Variants in CNBD2 observed in about 807,000 individuals in gnomAD.
CNBD2 encodes cyclic nucleotide binding domain containing 2.
CNBD2 carries 64 observed loss-of-function variants against 63.7 expected under a neutral mutation model. That is an observed-to-expected ratio of 1.00 (90% CI 0.82 to 1.24). The LOEUF (loss-of-function observed/expected upper bound fraction) is 1.24. CNBD2 is among the 50% of genes most tolerant of loss of function. The probability of loss-of-function intolerance (pLI) is 0.00; values close to 1 mark genes in which losing one functional copy is unlikely to be tolerated. For synonymous variants in CNBD2, 229 were observed against 255.4 expected (o/e 0.90, Z 0.99); for missense variants, 691 against 713.5 (o/e 0.97, Z 0.36).
intron 3 of CNBD2, among the ~76,000 whole-genome samples, chr20:35,978,374 G>A (rs1363247765): frequency 6.8e-6 from 1 of 147,636 alleles, no homozygotes; most frequent in Non-Finnish European, 1.5e-5. Context: ...AGACGGAGTC[G>A]AGCTCTGTCT....
At position 36,009,954 on chromosome 20, in the gene CNBD2, G is replaced by A. The variant is rs374146967; in HGVS notation, c.1149-1183G>A. ...TTCAGGTGAGAAAACCAAGGTACGG[G>A]GAGAGATTGAGTTGTTTGTTCCAGG... On this transcript the variant is annotated intron_variant, in intron 9 of 11. Transcript: ENST00000373973. Among the ~76,000 whole-genome samples, 22 of 151,522 alleles carry A rather than the reference G, an allele frequency of 1.5e-4. No homozygotes were observed. In the East Asian group the frequency reaches 3.9e-3, roughly 27 times the overall value.
At chr20:36,010,183 G>A (rs776972878) in intron 9 of CNBD2, among the ~76,000 whole-genome samples, 1 of 152,088 alleles carries the variant, frequency 6.6e-6, no homozygotes, top group Non-Finnish European at 1.5e-5. Flanking sequence ...GAGCAGCACA[G>A]CCCCCTCCCC....
intron 10 of CNBD2, among the ~76,000 whole-genome samples, chr20:36,013,892 T>A (rs1036341716): frequency 4.6e-5 from 7 of 151,970 alleles, no homozygotes; most frequent in Non-Finnish European, 8.8e-5. Context: ...TAGAAATATG[T>A]ATAGGTAGGC....
intron 4 of CNBD2, among the ~76,000 whole-genome samples, chr20:35,982,708 G>T (rs918018353): frequency 1.3e-5 from 2 of 151,812 alleles, no homozygotes; most frequent in African/African-American, 2.4e-5. Context: ...AACAAAGTCT[G>T]TGTTGTTCAT....
At chr20:35,971,182 C>T (rs886804571) in intron 1 of CNBD2, among the ~76,000 whole-genome samples, 2 of 149,838 alleles carry the variant, frequency 1.3e-5, no homozygotes, top group African/African-American at 2.5e-5. Flanking sequence ...CTCCTGACCT[C>T]GTGATCCGCC....
At chr20:35,986,905 C>A (rs1048863260) in intron 6 of CNBD2, among the ~76,000 whole-genome samples, 1 of 152,144 alleles carries the variant, frequency 6.6e-6, no homozygotes, top group East Asian at 1.9e-4. Flanking sequence ...CAGACATGTC[C>A]CACTCTCCAG....
chr20:36,014,185 A>T (rs1387895906), intron 10 of CNBD2, among the ~76,000 whole-genome samples: 1 of 150,954 alleles, frequency 6.6e-6, no homozygotes, highest in African/African-American at 2.4e-5. Flanking sequence ...TCCATCTCAA[A>T]AAAAAAAAAA....
downstream of CNBD2, among the ~76,000 whole-genome samples, chr20:35,957,352 A>G (rs962490223): frequency 6.6e-6 from 1 of 151,758 alleles, no homozygotes; most frequent in African/African-American, 2.4e-5. Context: ...TTTGGGAGGC[A>G]TAGGCAGGCG....
intron 9 of CNBD2, 97 bp from the exon 10 acceptor site, chr20:36,011,040 G>A: frequency 1.6e-6 from 2 of 1,222,372 alleles, no homozygotes; most frequent in Non-Finnish European, 1.1e-6. Flanking sequence ...CCAGGGAGGG[G>A]AGCCCTCCAT....
chr20:36,028,342 T>C (rs1490284591), intron 11 of CNBD2, among the ~76,000 whole-genome samples: 1 of 152,082 alleles, frequency 6.6e-6, no homozygotes, highest in East Asian at 1.9e-4. Flanking sequence ...TTCTGTCTTA[T>C]TCATTAATCG....
intron 8 of CNBD2, among the ~76,000 whole-genome samples, chr20:36,001,614 G>C (rs2056906587): frequency 6.6e-6 from 1 of 151,036 alleles, no homozygotes. Context: ...GCGGCTGCCA[G>C]GCGGAGGGGC....
intron 8 of CNBD2, among the ~76,000 whole-genome samples, chr20:36,007,044 C>G (rs996114961): frequency 4.6e-5 from 7 of 152,002 alleles, no homozygotes; most frequent in African/African-American, 7.3e-5. Context: ...AGAAAATTAG[C>G]TGGGCGTGGT....
At position 36,023,734 on chromosome 20, in the gene CNBD2, A is replaced by AT; in HGVS notation, c.1403dup (p.Leu471ValfsTer11). On this transcript the variant is annotated frameshift_variant, in exon 11 of 12. Coordinates refer to ENST00000373973, the MANE Select transcript of CNBD2 (RefSeq NM_001365709.1). LOFTEE classifies it low-confidence loss of function (END_TRUNC). ...ACTGATTGACAATGATGACGAGATG[A>AT]TAAAAAAGTTGTTAAAGCTCAATAT... 2 of 1,613,610 alleles carry AT rather than the reference A, an allele frequency of 1.2e-6. No homozygotes were observed. Among genetic ancestry groups the AT allele is most frequent in the Non-Finnish European group, 1.7e-6 (2 of 1,179,848 alleles).
Position 36,010,422 on chromosome 20 carries a change from C to T in CNBD2, c.1149-715C>T, listed in dbSNP as rs1438927255. Among the ~76,000 whole-genome samples the T allele has an allele frequency of 8.6e-5, 12 of 139,740 alleles. No homozygotes were observed. In the East Asian group the frequency reaches 1.9e-3, roughly 22 times the overall value. The allele number at this position is 139,740 out of a possible 152,430, so 91.7% of individuals were successfully genotyped here. On this transcript the variant is annotated intron_variant, in intron 9 of 11. Coordinates refer to ENST00000373973, the MANE Select transcript of CNBD2 (RefSeq NM_001365709.1). ...TTGTGCCACTGCACTCCAGCCTGGG[C>T]GACAAGAGCAAAACTCTGTCTCAAA...
chr20:36,011,086 A>G, intron 9 of CNBD2, 51 bp from the exon 10 acceptor site: 2 of 1,421,612 alleles, frequency 1.4e-6, no homozygotes, highest in Admixed American at 2.4e-5. Context: ...CCAGGGCCTC[A>G]GGAGCAGACT....
Position 36,011,144 on chromosome 20 carries a change from C to A in CNBD2, c.1156C>A (p.Pro386Thr). Residue 386 changes from proline to threonine, a missense_variant, in exon 10 of 12, where the codon CCT becomes ACT. Transcript: ENST00000373973. ...CAAGCTGTCACATTTCAGATCCAGG[C>A]CTGCTCAGTCGATCAAATGTGCCAT... ...KMLGPKIQSR[P>T]AQSIKCAMIN... is the part of the protein sequence containing the mutation. 1.9e-6 allele frequency: 3 copies of A among 1,569,240 alleles called. No homozygotes were observed. The South Asian group carries it at 3.6e-5, about 19-fold the overall frequency.
intron 8 of CNBD2, among the ~76,000 whole-genome samples, chr20:35,998,947 T>A (rs971123519): frequency 6.6e-6 from 1 of 152,014 alleles, no homozygotes; most frequent in African/African-American, 2.4e-5. Flanking sequence ...ATAGATATAT[T>A]TTTCTCCTTG....
rs780800150 is a variant in CNBD2 at position 36,008,334 on chromosome 20, CA to C, written c.1011del (p.Lys337AsnfsTer11). ...TGGAAAGATTTAAGGAATTCCAGAT[CA>C]AATCATATCCTCTGCAAGACTTTAG... ...PMERFKEFQIKSYPLQDFSSL... is the reference protein window; with the variant it reads ...PMERFKEFQIXSYPLQDFSSL... On this transcript the variant is annotated frameshift_variant, in exon 9 of 12. Coordinates refer to ENST00000373973, the MANE Select transcript of CNBD2 (RefSeq NM_001365709.1). LOFTEE classifies it high-confidence loss of function. 13 of 1,612,912 alleles carry C rather than the reference CA, an allele frequency of 8.1e-6. No homozygotes were observed. The African/African-American group carries it at 1.1e-4, about 13-fold the overall frequency.
chr20:35,971,555 A>G (rs2056418905), intron 1 of CNBD2, among the ~76,000 whole-genome samples: 2 of 152,154 alleles, frequency 1.3e-5, no homozygotes, highest in Admixed American at 6.5e-5. Context: ...AGCTGGGACT[A>G]CAGGCAAGCA....
Sources: allele counts gnomAD v4.1 joint callset (sites outside exome capture counted in the v4.1 genomes callset), GRCh38; gene constraint gnomAD v4.1.1; transcripts MANE v1.5; gene names NCBI Gene and HGNC (gene_info 2026-07-23, HGNC 2026-07-21).